Variants in CLYBL observed in about 807,000 individuals in gnomAD.
The protein encoded by CLYBL is citramalyl-CoA lyase.
In CLYBL, 31 loss-of-function variants were observed where a neutral mutation model predicts 38.9. That is an observed-to-expected ratio of 0.80 (90% CI 0.60 to 1.08). The LOEUF is 1.08. Ranked by LOEUF, CLYBL falls within the 50% of genes least tolerant of loss-of-function variation. The pLI is 0.00. For missense variants in CLYBL, 434 were observed against 411.6 expected, an observed-to-expected ratio of 1.05 and a Z score of -0.47; for synonymous variants, 171 against 158.6, an observed-to-expected ratio of 1.08 and a Z score of -0.59.
intron 2 of CLYBL, among the ~76,000 whole-genome samples, chr13:99,824,265 C>CCA (rs1555313205): frequency 3.8e-5 from 5 of 130,916 alleles, no homozygotes; most frequent in African/African-American, 8.3e-5. Context: ...TAGCCCCCCC[C>CCA]ACCCACCCCC....
chr13:99,659,079 T>G (rs2047372174), intron 1 of CLYBL, among the ~76,000 whole-genome samples: 1 of 152,350 alleles, frequency 6.6e-6, no homozygotes, highest in Non-Finnish European at 1.5e-5. Context: ...GTTTTTATGC[T>G]CTTTCCTAAA....
intron 1 of CLYBL, among the ~76,000 whole-genome samples, chr13:99,695,703 A>G (rs1052354571): frequency 2.6e-5 from 4 of 152,110 alleles, no homozygotes; most frequent in Admixed American, 6.6e-5. Context: ...TATTTTTAGT[A>G]GAGAGAGATT....
At chr13:99,681,425 G>A (rs1039028949) in intron 1 of CLYBL, among the ~76,000 whole-genome samples, 2 of 152,058 alleles carry the variant, frequency 1.3e-5, no homozygotes, top group Admixed American at 6.6e-5. Context: ...CATATATTAT[G>A]CATATCTACC....
intron 1 of CLYBL, among the ~76,000 whole-genome samples, chr13:99,679,043 C>T (rs950782332): frequency 6.6e-6 from 1 of 151,858 alleles, no homozygotes; most frequent in African/African-American, 2.4e-5. Flanking sequence ...GTCTGTAATC[C>T]CAGCATTTTG....
At chr13:99,685,953 C>A (rs1030899360) in intron 1 of CLYBL, among the ~76,000 whole-genome samples, 1 of 152,034 alleles carries the variant, frequency 6.6e-6, no homozygotes, top group Non-Finnish European at 1.5e-5. Context: ...CAGAACAAGA[C>A]CCTGTTTCAA....
chr13:99,878,898 A>T (rs2052119377), intron 7 of CLYBL, among the ~76,000 whole-genome samples: 1 of 152,178 alleles, frequency 6.6e-6, no homozygotes, highest in Non-Finnish European at 1.5e-5. Context: ...TGCCATCTAC[A>T]TGTTTAGACC....
At chr13:99,845,369 T>C (rs1055325846) in intron 2 of CLYBL, among the ~76,000 whole-genome samples, 5 of 152,070 alleles carry the variant, frequency 3.3e-5, no homozygotes, top group Admixed American at 3.3e-4. Context: ...CACGGGAAAT[T>C]AACCTGCTTG....
intron 1 of CLYBL, among the ~76,000 whole-genome samples, chr13:99,667,348 C>CA (rs1304324823): frequency 6.6e-6 from 1 of 151,758 alleles, no homozygotes; most frequent in African/African-American, 2.4e-5. Context: ...AAGCTTGCAA[C>CA]AGCCACGGTT....
chr13:99,886,326 A>G (rs971787791), intron 7 of CLYBL, among the ~76,000 whole-genome samples: 3 of 152,226 alleles, frequency 2.0e-5, no homozygotes, highest in Non-Finnish European at 4.4e-5. Flanking sequence ...ATATATGACA[A>G]TTTCCCATAG....
At chr13:99,748,309 G>C (rs569503888) in intron 1 of CLYBL, among the ~76,000 whole-genome samples, 2 of 151,814 alleles carry the variant, frequency 1.3e-5, no homozygotes, top group Non-Finnish European at 2.9e-5. Flanking sequence ...GAACCTGAGA[G>C]GCAGAGGTTG....
chr13:99,677,314 A>G (rs1026129686), intron 1 of CLYBL, among the ~76,000 whole-genome samples: 9 of 152,162 alleles, frequency 5.9e-5, no homozygotes, highest in Non-Finnish European at 1.0e-4. Context: ...CGGCAGCCAA[A>G]TACATTGACT....
intron 2 of CLYBL, among the ~76,000 whole-genome samples, chr13:99,830,525 G>A (rs188170647): frequency 6.6e-6 from 1 of 152,326 alleles, no homozygotes; most frequent in East Asian, 1.9e-4. Context: ...GCAGAGAGGA[G>A]TCATATGTGA....
chr13:99,794,672 A>G (rs2049987440), intron 2 of CLYBL, among the ~76,000 whole-genome samples: 1 of 150,766 alleles, frequency 6.6e-6, no homozygotes, highest in Admixed American at 6.6e-5. Flanking sequence ...GCTCACCACA[A>G]CCTCCACCGT....
rs529348933 is a variant in CLYBL at position 99,833,647 on chromosome 13, GCACCAAATGTGACAGGAAGCGGGGTTA to G, written c.250-25212_250-25186del. On this transcript the variant is annotated intron_variant, in intron 2 of 8. Transcript: ENST00000339105. ...TATTTGGCACTGCCAGAGCCCCTGA[GCACCAAATGTGACAGGAAGCGGGGTTA>G]CCGTGTTGCTTTTTTTTTTTTTTTT... is the stretch of plus-strand genomic sequence containing the variant. Among the ~76,000 whole-genome samples the G allele has an allele frequency of 1.5e-4, 22 of 142,010 alleles. No individual in the cohort carries two copies. In the South Asian group the frequency reaches 5.1e-3, roughly 33 times the overall value. The allele number at this position is 142,010 out of a possible 152,430, so 93.2% of individuals were successfully genotyped here.
chr13:99,769,776 C>T (rs2049343702), intron 1 of CLYBL, among the ~76,000 whole-genome samples: 1 of 152,044 alleles, frequency 6.6e-6, no homozygotes, highest in Non-Finnish European at 1.5e-5. Context: ...AAAATAAGAC[C>T]CAGACTCAAG....
At position 99,671,748 on chromosome 13, in the gene CLYBL, C is replaced by T. The variant is rs192240095; in HGVS notation, c.62+64991C>T. On this transcript the variant is annotated intron_variant, in intron 1 of 8. Coordinates refer to ENST00000339105, the MANE Select transcript of CLYBL (RefSeq NM_206808.5). ...TGAGCCAAGATCACGCCACTGTACT[C>T]CAGCTTGGGTGACACAGCAAGACTC... Among the ~76,000 whole-genome samples, 47 of 150,476 alleles carry T rather than the reference C, an allele frequency of 3.1e-4. No homozygotes were observed. The Middle Eastern group carries it at 0.01, about 33-fold the overall frequency.
At chr13:99,763,766 G>A (rs972380160) in intron 1 of CLYBL, among the ~76,000 whole-genome samples, 7 of 151,904 alleles carry the variant, frequency 4.6e-5, no homozygotes, top group Non-Finnish European at 1.0e-4. Context: ...TGTTGGCTAG[G>A]TTGGTCTCAA....
intron 7 of CLYBL, among the ~76,000 whole-genome samples, chr13:99,889,732 T>TC (rs1257481380): frequency 3.3e-5 from 5 of 151,832 alleles, no homozygotes; most frequent in Admixed American, 3.3e-4. Flanking sequence ...TGCTAAGGAT[T>TC]CCCCCCATTT....
intron 2 of CLYBL, among the ~76,000 whole-genome samples, chr13:99,773,769 TTTCTC>T (rs1468615973): frequency 6.6e-6 from 1 of 152,182 alleles, no homozygotes; most frequent in South Asian, 2.1e-4. Flanking sequence ...GTAATGGTCT[TTTCTC>T]TTCTGGGATA....
Sources: gnomAD v4.1 joint callset for allele counts (sites outside exome capture counted in the v4.1 genomes callset) on GRCh38, gnomAD v4.1.1 for gene constraint, MANE v1.5 for transcripts, NCBI Gene and HGNC (gene_info 2026-07-23, HGNC 2026-07-21) for gene names.